The following EBF2 variants were observed in gnomAD, a reference collection of about 807,000 sequenced individuals.
The protein encoded by EBF2 is transcription factor COE2.
Under a neutral mutation model 72.8 loss-of-function variants are expected in EBF2, and 21 were observed. The observed-to-expected ratio is 0.29, with a 90% confidence interval of 0.20 to 0.42. EBF2 has a LOEUF of 0.42. Ranked by LOEUF, EBF2 falls within the 10% of genes least tolerant of loss-of-function variation. The pLI is 1.00. For synonymous variants in EBF2, 299 were observed against 274.2 expected (o/e 1.09, Z -0.89); for missense variants, 637 against 731.2 (o/e 0.87, Z 1.49).
At chr8:25,969,145 A>G (rs1056456912) in intron 6 of EBF2, among the ~76,000 whole-genome samples, 2 of 152,174 alleles carry the variant, frequency 1.3e-5, no homozygotes, top group African/African-American at 2.4e-5. Flanking sequence ...TTCTTAAGAC[A>G]TCTCAAAGTG....
chr8:25,884,343 C>A (rs1802653769), intron 10 of EBF2, among the ~76,000 whole-genome samples: 1 of 152,020 alleles, frequency 6.6e-6, no homozygotes, highest in Admixed American at 6.6e-5. Flanking sequence ...CAAGGGAGCT[C>A]CTGCGATGGA....
At chr8:26,006,993 A>G (rs1348032054) in intron 6 of EBF2, among the ~76,000 whole-genome samples, 1 of 152,236 alleles carries the variant, frequency 6.6e-6, no homozygotes, top group Non-Finnish European at 1.5e-5. Flanking sequence ...TAAATAAGTT[A>G]TTCGGTTACT....
intron 6 of EBF2, among the ~76,000 whole-genome samples, chr8:26,026,154 G>A (rs564106672): frequency 1.6e-4 from 25 of 152,280 alleles, no homozygotes; most frequent in Non-Finnish European, 4.4e-5. Context: ...TCCAACCTGG[G>A]CAACAGAGCA....
At chr8:25,929,432 T>A (rs919210851) in intron 6 of EBF2, among the ~76,000 whole-genome samples, 1 of 152,224 alleles carries the variant, frequency 6.6e-6, no homozygotes, top group African/African-American at 2.4e-5. Context: ...CTTAGTACGA[T>A]GCTTATTGAG....
intron 10 of EBF2, among the ~76,000 whole-genome samples, chr8:25,865,849 C>A (rs970888447): frequency 6.6e-6 from 1 of 151,760 alleles, no homozygotes; most frequent in Non-Finnish European, 1.5e-5. Context: ...CACGGTGAAA[C>A]CCCATCTCTA....
chr8:25,992,054 A>G (rs1804552860), intron 6 of EBF2, among the ~76,000 whole-genome samples: 1 of 151,972 alleles, frequency 6.6e-6, no homozygotes, highest in African/African-American at 2.4e-5. Flanking sequence ...GTTTTTAGAC[A>G]GAGTCTCACT....
intron 6 of EBF2, among the ~76,000 whole-genome samples, chr8:25,981,972 C>A (rs1341221112): frequency 6.6e-6 from 1 of 151,892 alleles, no homozygotes; most frequent in East Asian, 1.9e-4. Flanking sequence ...TTTTGCAAAC[C>A]AAAGGCTATC....
intron 10 of EBF2, among the ~76,000 whole-genome samples, chr8:25,875,051 G>A (rs1046469513): frequency 6.6e-6 from 1 of 151,938 alleles, no homozygotes; most frequent in Non-Finnish European, 1.5e-5. Context: ...ATGTTCTTGG[G>A]CTCCCTTGGC....
intron 8 of EBF2, among the ~76,000 whole-genome samples, chr8:25,888,457 T>C (rs1802727845): frequency 6.6e-6 from 1 of 152,218 alleles, no homozygotes; most frequent in Non-Finnish European, 1.5e-5. Flanking sequence ...TGAAAAACTC[T>C]GTTGTTTTTG....
chr8:25,906,001 G>C (rs1803025829), intron 7 of EBF2, among the ~76,000 whole-genome samples: 1 of 152,066 alleles, frequency 6.6e-6, no homozygotes, highest in Non-Finnish European at 1.5e-5. Flanking sequence ...ATCATTTTGA[G>C]ATCAACAATA....
intron 6 of EBF2, among the ~76,000 whole-genome samples, chr8:25,982,709 CCT>C (rs1262123888): frequency 6.6e-6 from 1 of 152,102 alleles, no homozygotes; most frequent in East Asian, 1.9e-4. Flanking sequence ...TTTCCCAGCA[CCT>C]TGTCTCCCCT....
intron 6 of EBF2, among the ~76,000 whole-genome samples, chr8:26,002,673 T>C (rs1804750503): frequency 6.6e-6 from 1 of 152,166 alleles, no homozygotes; most frequent in Admixed American, 6.5e-5. Context: ...CTTCTTTTCC[T>C]TGCAGGCTTT....
intron 6 of EBF2, among the ~76,000 whole-genome samples, chr8:26,008,104 A>G (rs1804912370): frequency 6.6e-6 from 1 of 151,942 alleles, no homozygotes; most frequent in South Asian, 2.1e-4. Context: ...CTTCCAGGTC[A>G]ATAATAGTTT....
chr8:26,031,067 A>C (rs1481922358), intron 6 of EBF2, among the ~76,000 whole-genome samples: 1 of 152,228 alleles, frequency 6.6e-6, no homozygotes, highest in Non-Finnish European at 1.5e-5. Context: ...TATGAGAAGC[A>C]AGGTGCAGGT....
intron 14 of EBF2, among the ~76,000 whole-genome samples, chr8:25,857,629 C>CCAAAG (rs1802120901): frequency 6.6e-6 from 1 of 152,180 alleles, no homozygotes; most frequent in Non-Finnish European, 1.5e-5. Flanking sequence ...GGCATACCTC[C>CCAAAG]CAAAGCAACC....
chr8:26,009,689 A>G (rs1336099707), intron 6 of EBF2, among the ~76,000 whole-genome samples: 1 of 152,210 alleles, frequency 6.6e-6, no homozygotes, highest in South Asian at 2.1e-4. Flanking sequence ...ATCGCATGCC[A>G]ATAACAGCTG....
intron 6 of EBF2, among the ~76,000 whole-genome samples, chr8:25,950,463 A>G (rs966377085): frequency 6.6e-6 from 1 of 152,210 alleles, no homozygotes; most frequent in Admixed American, 6.5e-5. Flanking sequence ...AAATGCTTCC[A>G]TGCTCCTGAA....
intron 6 of EBF2, among the ~76,000 whole-genome samples, chr8:25,931,936 CTAT>C (rs1803488522): frequency 6.6e-6 from 1 of 152,096 alleles, no homozygotes; most frequent in Non-Finnish European, 1.5e-5. Flanking sequence ...TATTGCTGCA[CTAT>C]TGTTATTACT....
chr8:25,845,822 C>T (rs2117241445), intron 15 of EBF2, among the ~76,000 whole-genome samples: 1 of 152,302 alleles, frequency 6.6e-6, no homozygotes, highest in Non-Finnish European at 1.5e-5. Context: ...TGATCCTTTG[C>T]ATTTTACTAT....
Sources: allele counts gnomAD v4.1 joint callset (sites outside exome capture counted in the v4.1 genomes callset), GRCh38; gene constraint gnomAD v4.1.1; transcripts MANE v1.5; gene names NCBI Gene and HGNC (gene_info 2026-07-23, HGNC 2026-07-21).